OSBPL9: variants seen among roughly 807,000 people sequenced by gnomAD.
OSBPL9 encodes the protein oxysterol binding protein like 9, also known as oxysterol-binding protein-related protein 9.
Under a neutral mutation model 106.6 loss-of-function variants are expected in OSBPL9, and 40 were observed. That is an observed-to-expected ratio of 0.38 (90% CI 0.29 to 0.49). The LOEUF is 0.49. Ranked by LOEUF, OSBPL9 falls within the 20% of genes least tolerant of loss-of-function variation. The pLI is 0.97. For synonymous variants in OSBPL9, 269 were observed against 295.4 expected (o/e 0.91, Z 0.92); for missense variants, 609 against 887.2 (o/e 0.69, Z 3.98).
chr1:51,730,247 A>C, intron 4 of OSBPL9: 3 of 986,432 alleles, frequency 3.0e-6, no homozygotes, highest in East Asian at 3.3e-5. Context: ...TCGCCCCCAA[A>C]TGAGACTTTG....
At chr1:51,585,045 A>G (rs940380835) in intron 1 of OSBPL9, among the ~76,000 whole-genome samples, 7 of 152,104 alleles carry the variant, frequency 4.6e-5, no homozygotes, top group African/African-American at 1.7e-4. Context: ...GCAGTGGTGC[A>G]CACCTATAGT....
intron 4 of OSBPL9, among the ~76,000 whole-genome samples, chr1:51,731,809 A>G (rs1664520551): frequency 6.6e-6 from 1 of 152,106 alleles, no homozygotes; most frequent in African/African-American, 2.4e-5. Context: ...AAAGAAAAAA[A>G]CAGATTTGTA....
chr1:51,522,639 A>G, the OSBPL9 span, among the ~76,000 whole-genome samples: 1 of 152,228 alleles, frequency 6.6e-6, no homozygotes, highest in Non-Finnish European at 1.5e-5. Flanking sequence ...AATATATGTT[A>G]TAATCTAATT....
At chr1:51,734,152 G>T (rs765983900) in intron 4 of OSBPL9, among the ~76,000 whole-genome samples, 1 of 152,170 alleles carries the variant, frequency 6.6e-6, no homozygotes, top group Non-Finnish European at 1.5e-5. Context: ...ATACATGTGC[G>T]CACGCAGGAG....
the OSBPL9 span, among the ~76,000 whole-genome samples, chr1:51,563,236 A>G: frequency 2.6e-5 from 4 of 152,160 alleles, no homozygotes; most frequent in Non-Finnish European, 5.9e-5. Flanking sequence ...TAAATAAAAT[A>G]AAAAGTGTCC....
At chr1:51,756,614 G>A (rs1476913255) in intron 9 of OSBPL9, 4 of 406,068 alleles carry the variant, frequency 9.9e-6, no homozygotes, top group African/African-American at 2.0e-5. Context: ...GTTAATCATG[G>A]TATGAATACT....
chr1:51,626,101 T>C (rs1644748378), intron 1 of OSBPL9, among the ~76,000 whole-genome samples: 1 of 152,196 alleles, frequency 6.6e-6, no homozygotes. Context: ...TGGATAAAAA[T>C]GTGATCTGTC....
rs963122487 is a variant in OSBPL9, at chr1:51,750,173, T to C, written c.521T>C (p.Ile174Thr). Residue 174 changes from isoleucine (I) to threonine (T), a missense_variant, in exon 8 of 24, where the codon ATT becomes ACT. By Grantham distance (89) the Ile-to-Thr change is moderately conservative. Around this residue, in one of 5 missense-constraint regions of OSBPL9, gnomAD observed 356 missense variants for 505.8 expected, o/e 0.70. Transcript: ENST00000428468. ...NSMVESIKHC[I>T]VLLQIAKDQS... Reference sequence around the variant, plus strand: ...ATGGTAGAATCAATTAAACACTGCATTGTGTTGCTGCAGATTGCCAAAGTA... The same window carrying C: ...ATGGTAGAATCAATTAAACACTGCACTGTGTTGCTGCAGATTGCCAAAGTA... The C allele has an allele frequency of 1.9e-6, 3 of 1,608,424 alleles. No homozygotes were observed. The Admixed American group carries it at 5.1e-5, about 27-fold the overall frequency.
rs1674184168 is a variant in OSBPL9, at chr1:51,772,628, A to G, written c.1075A>G (p.Arg359Gly). ...DADLFDSHDD[R>G]DDDAEAGSVE... ...AGACCTGTTTGATTCACATGATGACAGAGATGATGATGCGGAGGCAGGGTC... is the reference window on the plus strand; with the variant it reads ...AGACCTGTTTGATTCACATGATGACGGAGATGATGATGCGGAGGCAGGGTC... Residue 359 changes from arginine to glycine, a missense_variant, in exon 14 of 24, where the codon AGA (arginine) becomes GGA (glycine). Physicochemically the swap from Arg to Gly is moderately radical, Grantham distance 125 (BLOSUM62 -2). Transcript: ENST00000428468. 1 of 1,614,120 alleles carries G rather than the reference A, an allele frequency of 6.2e-7. No individual in the cohort carries two copies.
At chr1:51,564,439 T>A in the OSBPL9 span, among the ~76,000 whole-genome samples, 1 of 152,130 alleles carries the variant, frequency 6.6e-6, no homozygotes, top group South Asian at 2.1e-4. Context: ...CCCAGTATGC[T>A]CCCAGGCCTG....
the OSBPL9 span, among the ~76,000 whole-genome samples, chr1:51,546,172 T>C: frequency 6.6e-6 from 1 of 152,126 alleles, no homozygotes; most frequent in South Asian, 2.1e-4. Flanking sequence ...TCAGCCACCA[T>C]GCTCGGCTAA....
intron 1 of OSBPL9, among the ~76,000 whole-genome samples, chr1:51,640,195 T>A (rs1645700183): frequency 6.6e-6 from 1 of 152,208 alleles, no homozygotes; most frequent in African/African-American, 2.4e-5. Flanking sequence ...CCTTACTGAA[T>A]TTTAAATATG....
chr1:51,599,154 A>C (rs1316141814), intron 2 of OSBPL9, among the ~76,000 whole-genome samples: 2 of 152,210 alleles, frequency 1.3e-5, no homozygotes, highest in Non-Finnish European at 2.9e-5. Flanking sequence ...TCGAGGCTGC[A>C]GTGAGCTATG....
upstream of OSBPL9, among the ~76,000 whole-genome samples, chr1:51,616,219 A>G (rs541522763): frequency 4.6e-5 from 7 of 152,180 alleles, no homozygotes; most frequent in East Asian, 1.4e-3. Context: ...GCCTGATCTC[A>G]AGTGATCTGC....
At chr1:51,688,493 T>C (rs1425525139) in intron 3 of OSBPL9, among the ~76,000 whole-genome samples, 1 of 152,114 alleles carries the variant, frequency 6.6e-6, no homozygotes, top group Non-Finnish European at 1.5e-5. Flanking sequence ...GTTATGCATC[T>C]ATAATCCTAG....
the OSBPL9 span, among the ~76,000 whole-genome samples, chr1:51,531,357 G>A: frequency 1.3e-5 from 2 of 152,058 alleles, no homozygotes; most frequent in African/African-American, 4.8e-5. Context: ...GATCAACAAG[G>A]GCAGAAACTG....
chr1:51,561,040 CAGCCT>C, the OSBPL9 span: 1 of 152,152 alleles, frequency 6.6e-6, no homozygotes, highest in African/African-American at 2.4e-5. Context: ...AGTTGGAGAC[CAGCCT>C]AGCCAACATG....
At chr1:51,616,959 A>G (rs1320216444), upstream of OSBPL9, 1 of 1,439,184 alleles carries the variant, frequency 6.9e-7, no homozygotes, top group Non-Finnish European at 9.2e-7. Context: ...CGCCCTAAGA[A>G]AGCGTGTTTG....
chr1:51,701,242 T>C (rs1309068445), intron 3 of OSBPL9, among the ~76,000 whole-genome samples: 2 of 152,246 alleles, frequency 1.3e-5, no homozygotes, highest in East Asian at 1.9e-4. Flanking sequence ...GCCCGGCCCA[T>C]TGTAATTCTT....
Sources: gnomAD v4.1 joint callset for allele counts (sites outside exome capture counted in the v4.1 genomes callset) on GRCh38, gnomAD v4.1.1 for gene constraint, gnomAD v4.1.1 regional missense constraint, MANE v1.5 for transcripts, NCBI Gene and HGNC (gene_info 2026-07-23, HGNC 2026-07-21) for gene names.